Variants in CAV1 observed in about 807,000 individuals in gnomAD.
The protein encoded by CAV1 is caveolin-1.
CAV1 carries 10 observed loss-of-function variants against 16.5 expected under a neutral mutation model. The observed-to-expected ratio is 0.61, with a 90% CI of 0.37 to 1.03. CAV1 has a LOEUF of 1.03. CAV1 is among the 50% of genes least tolerant of loss of function. The pLI is 0.01. For synonymous variants in CAV1, 76 were observed against 85.1 expected (o/e 0.89, Z 0.59); for missense variants, 212 against 232.8 (o/e 0.91, Z 0.58).
At chr7:116,533,403 AAAAT>A (rs1308035314) in intron 2 of CAV1, among the ~76,000 whole-genome samples, 42 of 148,308 alleles carry the variant, frequency 2.8e-4, no homozygotes, top group African/African-American at 1.0e-3. Flanking sequence ...AAAATAAAAT[AAAAT>A]AAAAATAAAA....
rs1485145043 is a variant in CAV1 at position 116,526,717 on chromosome 7, G to T, written c.195+28G>T. On this transcript the variant is annotated intron_variant, in intron 2 of 2. Transcript: ENST00000341049. ...AAGCCAAGGCGACCAACAGGGAAGG[G>T]CTGGGACAGCTCTCCTCTGGCAGTT... The T allele has an allele frequency of 2.5e-6, 4 of 1,613,340 alleles. No individual in the cohort carries two copies. In the South Asian group the frequency reaches 4.4e-5, roughly 18 times the overall value.
chr7:116,557,801 C>T (rs967609414), intron 2 of CAV1, among the ~76,000 whole-genome samples: 9 of 152,056 alleles, frequency 5.9e-5, no homozygotes, highest in Non-Finnish European at 5.9e-5. Context: ...GAGTCTCTTT[C>T]CTCCTTCTCC....
At chr7:116,538,968 T>C (rs1029246651) in intron 2 of CAV1, among the ~76,000 whole-genome samples, 7 of 152,040 alleles carry the variant, frequency 4.6e-5, no homozygotes, top group Middle Eastern at 3.2e-3. Context: ...TTCAATTATC[T>C]CCCACAAAAT....
chr7:116,530,997 G>T (rs906112941), intron 2 of CAV1, among the ~76,000 whole-genome samples: 20 of 152,196 alleles, frequency 1.3e-4, no homozygotes, highest in Admixed American at 1.0e-3. Flanking sequence ...AAGACAATGC[G>T]AAGTGGCATT....
chr7:116,555,548 GAAAGAA>G (rs1562838395), intron 2 of CAV1, among the ~76,000 whole-genome samples: 37 of 30,496 alleles, frequency 1.2e-3, no homozygotes, highest in Admixed American at 2.5e-3. Context: ...GAGAGAGAAA[GAAAGAA>G]AGAAAGAAAG....
intron 2 of CAV1, among the ~76,000 whole-genome samples, chr7:116,532,743 C>T (rs1381741576): frequency 6.6e-6 from 1 of 152,196 alleles, no homozygotes; most frequent in Non-Finnish European, 1.5e-5. Context: ...ATATTTGCAA[C>T]TTTTGTAACT....
At chr7:116,537,051 A>T (rs1793834858) in intron 2 of CAV1, among the ~76,000 whole-genome samples, 1 of 150,834 alleles carries the variant, frequency 6.6e-6, no homozygotes, top group South Asian at 2.1e-4. Context: ...AAAGGGAGTC[A>T]TGTCTCTTGT....
intron 2 of CAV1, chr7:116,542,773 T>C (rs1248071959): frequency 6.6e-6 from 1 of 152,252 alleles, no homozygotes; most frequent in Non-Finnish European, 1.5e-5. Context: ...AGAGGAAGCT[T>C]AGCCAGTTAG....
intron 2 of CAV1, among the ~76,000 whole-genome samples, chr7:116,558,100 C>T (rs912443388): frequency 3.3e-5 from 5 of 152,174 alleles, no homozygotes; most frequent in Non-Finnish European, 7.4e-5. Flanking sequence ...CCTCATGAAG[C>T]CTTCTTGATG....
At chr7:116,527,863 T>C (rs1054852255) in intron 2 of CAV1, among the ~76,000 whole-genome samples, 11 of 151,846 alleles carry the variant, frequency 7.2e-5, no homozygotes, top group African/African-American at 2.7e-4. Flanking sequence ...AATCTGTAAC[T>C]GGAAGGGAAA....
chr7:116,528,311 A>G (rs1793612902), intron 2 of CAV1, among the ~76,000 whole-genome samples: 1 of 152,222 alleles, frequency 6.6e-6, no homozygotes, highest in Non-Finnish European at 1.5e-5. Context: ...CACTGGGAAA[A>G]GAGACTTCAA....
intron 2 of CAV1, among the ~76,000 whole-genome samples, chr7:116,534,027 G>T (rs189942830): frequency 6.6e-6 from 1 of 151,848 alleles, no homozygotes; most frequent in Non-Finnish European, 1.5e-5. Context: ...GACCAGCCTG[G>T]CCAACATGGT....
In CAV1 at chr7:116,525,654, C is replaced by T. The variant is rs1793541751; in HGVS notation, c.30+562C>T. On this transcript the variant is annotated intron_variant, in intron 1 of 2. Coordinates refer to ENST00000341049, the MANE Select transcript of CAV1 (RefSeq NM_001753.5). ...GGTGTTCCGAGAGAGGTAGACCTCC[C>T]CTCCCCAAACTGCCACCATCACTTC... is the stretch of plus-strand genomic sequence containing the variant. 9 of 1,088,628 alleles carry T rather than the reference C, an allele frequency of 8.3e-6. No individual in the cohort carries two copies. In the South Asian group the frequency reaches 8.6e-5, roughly 10 times the overall value. The allele number at this position is 1,088,628 out of a possible 1,614,324, so 67.4% of individuals were successfully genotyped here.
At chr7:116,538,229 C>T (rs1343283264) in intron 2 of CAV1, among the ~76,000 whole-genome samples, 2 of 152,142 alleles carry the variant, frequency 1.3e-5, no homozygotes, top group Non-Finnish European at 1.5e-5. Flanking sequence ...AGGAGAAATG[C>T]CTATGGAATA....
intron 2 of CAV1, among the ~76,000 whole-genome samples, chr7:116,555,468 GA>G (rs1562837848): frequency 3.6e-4 from 15 of 41,986 alleles, no homozygotes; most frequent in African/African-American, 9.6e-4. Context: ...AGGAAGGAAG[GA>G]AGGAAGGAGG....
At chr7:116,558,388 G>A (rs536176001) in intron 2 of CAV1, among the ~76,000 whole-genome samples, 1 of 152,226 alleles carries the variant, frequency 6.6e-6, no homozygotes, top group African/African-American at 2.4e-5. Context: ...GAAACACCTA[G>A]AGAACATGTT....
chr7:116,542,205 T>G (rs1053114611), intron 2 of CAV1, among the ~76,000 whole-genome samples: 5 of 152,238 alleles, frequency 3.3e-5, no homozygotes, highest in Admixed American at 2.0e-4. Flanking sequence ...ATTCACACAG[T>G]TTTGCAGCTT....
rs113043378 is a variant in CAV1 at position 116,555,448 on chromosome 7, A to AAAGGAAGGAAGG, written c.196-3480_196-3469dup. On this transcript the variant is annotated intron_variant, in intron 2 of 2. Coordinates refer to ENST00000341049, the MANE Select transcript of CAV1 (RefSeq NM_001753.5). ...AGCAAGAACCTGTCTCCAAAAAAAGAAAGGAAGGAAGGAAGGAAGGAAGGA... is the reference window on the plus strand; with the variant it reads ...AGCAAGAACCTGTCTCCAAAAAAAGAAAGGAAGGAAGGAAGGAAGGAAGGAAGGAAGGAAGGA... Among the ~76,000 whole-genome samples, 13 of 37,402 alleles carry AAAGGAAGGAAGG rather than the reference A, an allele frequency of 3.5e-4. 1 individual carries two copies. In the South Asian group the frequency reaches 4.6e-3, roughly 13 times the overall value. 24.5% of individuals were successfully genotyped at this position (37,402 alleles called of 152,430 possible). A position where few individuals can be genotyped will look rare whatever the true frequency, so the allele number is the denominator to read the frequency against.
At chr7:116,549,106 C>T (rs1438387157) in intron 2 of CAV1, among the ~76,000 whole-genome samples, 1 of 152,210 alleles carries the variant, frequency 6.6e-6, no homozygotes, top group East Asian at 1.9e-4. Context: ...CGCACATACA[C>T]AGACCATGCA....
Sources: gnomAD v4.1 joint callset for allele counts (sites outside exome capture counted in the v4.1 genomes callset) on GRCh38, gnomAD v4.1.1 for gene constraint, MANE v1.5 for transcripts, NCBI Gene and HGNC (gene_info 2026-07-23, HGNC 2026-07-21) for gene names.